Variants in ENOX1 observed in about 807,000 individuals in gnomAD.
The protein encoded by ENOX1 is ecto-NOX disulfide-thiol exchanger 1.
A neutral mutation model predicts 82.5 loss-of-function variants in ENOX1; 42 were observed. That is an observed-to-expected ratio of 0.51 (90% CI 0.40 to 0.66). The LOEUF is 0.66. ENOX1 is among the 30% of genes least tolerant of loss of function. The pLI, the probability that ENOX1 is intolerant of heterozygous loss-of-function variation, is 0.00. For missense variants in ENOX1, 608 were observed against 811.6 expected, an observed-to-expected ratio of 0.75 and a Z score of 3.05; for synonymous variants, 271 against 282.2, an observed-to-expected ratio of 0.96 and a Z score of 0.40.
intron 2 of ENOX1, among the ~76,000 whole-genome samples, chr13:43,522,275 G>T (rs2077803641): frequency 6.6e-6 from 1 of 152,090 alleles, no homozygotes; most frequent in South Asian, 2.1e-4. Flanking sequence ...ATACCACTCT[G>T]GGTAAGCTAG....
At chr13:43,732,047 T>G (rs1303167580) in intron 1 of ENOX1, among the ~76,000 whole-genome samples, 1 of 152,202 alleles carries the variant, frequency 6.6e-6, no homozygotes, top group Non-Finnish European at 1.5e-5. Flanking sequence ...AGAATTTACT[T>G]CAACCTTATA....
Position 43,599,838 on chromosome 13 carries a change from G to A in ENOX1, c.-219+67641C>T, listed in dbSNP as rs73184109. On this transcript the variant is annotated intron_variant, in intron 2 of 16. Coordinates refer to ENST00000690772, the MANE Select transcript of ENOX1 (RefSeq NM_001347969.2). Reference sequence around the variant, plus strand: ...AGTCCAAGTTCAGGACTTGCAACTTGGATACTAGCTCAGCCACAGTAGACA... The same window carrying A: ...AGTCCAAGTTCAGGACTTGCAACTTAGATACTAGCTCAGCCACAGTAGACA... Among the ~76,000 whole-genome samples, 779 of 151,508 alleles carry A rather than the reference G, an allele frequency of 5.1e-3. 6 individuals carry two copies. The highest frequency in any genetic ancestry group is 8.6e-3 in the Non-Finnish European group (584 of 67,912).
chr13:43,781,878 C>T (rs1952290020), intron 1 of ENOX1, among the ~76,000 whole-genome samples: 1 of 152,152 alleles, frequency 6.6e-6, no homozygotes, highest in Non-Finnish European at 1.5e-5. Context: ...TATATGTGTA[C>T]CTAAGAGTGA....
intron 1 of ENOX1, among the ~76,000 whole-genome samples, chr13:43,693,018 C>A (rs1338162806): frequency 6.6e-6 from 1 of 151,962 alleles, no homozygotes; most frequent in Non-Finnish European, 1.5e-5. Context: ...AAAGCTACAC[C>A]TATGTTATAA....
intron 1 of ENOX1, among the ~76,000 whole-genome samples, chr13:43,687,714 TC>T (rs949157102): frequency 6.6e-6 from 1 of 152,094 alleles, no homozygotes; most frequent in African/African-American, 2.4e-5. Context: ...ACTCAGTACA[TC>T]CGTGGCCCTT....
At chr13:43,705,305 ACTCTCTCT>A (rs33978402) in intron 1 of ENOX1, among the ~76,000 whole-genome samples, 4 of 132,650 alleles carry the variant, frequency 3.0e-5, no homozygotes, top group African/African-American at 8.4e-5. Flanking sequence ...ACAAACAACA[ACTCTCTCT>A]CTCTCTCTCT....
chr13:43,374,982 A>C (rs2051516804), intron 5 of ENOX1, among the ~76,000 whole-genome samples: 3 of 152,204 alleles, frequency 2.0e-5, no homozygotes, highest in Admixed American at 2.0e-4. Context: ...CTCAGATGTG[A>C]GGCTGCAACC....
At chr13:43,566,644 A>C (rs2079933057) in intron 2 of ENOX1, among the ~76,000 whole-genome samples, 1 of 152,008 alleles carries the variant, frequency 6.6e-6, no homozygotes. Context: ...TTCTGAAAAA[A>C]ATAGAGCAAA....
chr13:43,282,858 T>A (rs2045472844), intron 12 of ENOX1, among the ~76,000 whole-genome samples: 2 of 151,758 alleles, frequency 1.3e-5, no homozygotes, highest in African/African-American at 4.8e-5. Flanking sequence ...TTTGGGAGGC[T>A]GAGGCGGGTA....
At chr13:43,445,610 T>C (rs2056611924) in intron 3 of ENOX1, among the ~76,000 whole-genome samples, 1 of 152,160 alleles carries the variant, frequency 6.6e-6, no homozygotes, top group South Asian at 2.1e-4. Flanking sequence ...GTGGTTTTTG[T>C]TGGATCTCAA....
chr13:43,577,476 C>A (rs1463879274), intron 2 of ENOX1, among the ~76,000 whole-genome samples: 1 of 152,206 alleles, frequency 6.6e-6, no homozygotes, highest in African/African-American at 2.4e-5. Context: ...CTGGAGAGGG[C>A]TGTCTCCACT....
intron 3 of ENOX1, among the ~76,000 whole-genome samples, chr13:43,424,257 G>T (rs948705632): frequency 2.0e-5 from 3 of 152,236 alleles, no homozygotes; most frequent in South Asian, 2.1e-4. Context: ...TCTATAATTT[G>T]TGCTGTTTTG....
intron 3 of ENOX1, among the ~76,000 whole-genome samples, chr13:43,447,215 C>T (rs559654123): frequency 6.6e-6 from 1 of 152,242 alleles, no homozygotes; most frequent in East Asian, 1.9e-4. Context: ...CTGTCTGATT[C>T]GTGTGTATAT....
intron 3 of ENOX1, among the ~76,000 whole-genome samples, chr13:43,428,273 G>A (rs907014515): frequency 6.6e-6 from 1 of 152,128 alleles, no homozygotes; most frequent in Non-Finnish European, 1.5e-5. Flanking sequence ...GAGAGAGAGA[G>A]AACAAACATA....
At chr13:43,486,027 T>G (rs1323531687) in intron 2 of ENOX1, among the ~76,000 whole-genome samples, 2 of 151,970 alleles carry the variant, frequency 1.3e-5, no homozygotes, top group African/African-American at 4.8e-5. Flanking sequence ...TGGCTAACAC[T>G]GTGAAAGCCC....
chr13:43,419,840 G>A (rs9590760), intron 3 of ENOX1, among the ~76,000 whole-genome samples: 11,564 of 152,072 alleles, frequency 0.076, 896 homozygotes, highest in East Asian at 0.36. Flanking sequence ...GCGTGGTGAC[G>A]TGCACCTGTA....
chr13:43,729,401 A>G (rs557412336), intron 1 of ENOX1, among the ~76,000 whole-genome samples: 3 of 152,292 alleles, frequency 2.0e-5, no homozygotes, highest in South Asian at 2.1e-4. Flanking sequence ...AATATGTCTA[A>G]TATAAACACA....
At position 43,294,359 on chromosome 13, in the gene ENOX1, A is replaced by G. The variant is rs545246537; in HGVS notation, c.1446+3987T>C. ...TTAAGCGGATTATTAAAAAATTATGACATGTTGACCTATCCTCATGAATGA... is the reference window on the plus strand; with the variant it reads ...TTAAGCGGATTATTAAAAAATTATGGCATGTTGACCTATCCTCATGAATGA... On this transcript the variant is annotated intron_variant, in intron 12 of 16. Transcript: ENST00000690772. 4.6e-5 allele frequency among the ~76,000 whole-genome samples: 7 copies of G among 152,372 alleles called. 1 individual carries two copies. In the East Asian group the frequency reaches 1.3e-3, roughly 29 times the overall value.
At chr13:43,237,359 T>C (rs1462397873) in intron 14 of ENOX1, among the ~76,000 whole-genome samples, 1 of 152,230 alleles carries the variant, frequency 6.6e-6, no homozygotes, top group African/African-American at 2.4e-5. Flanking sequence ...TGTAGTCTTT[T>C]ACATTTAAAA....
Sources: gnomAD v4.1 joint callset for allele counts (sites outside exome capture counted in the v4.1 genomes callset) on GRCh38, gnomAD v4.1.1 for gene constraint, MANE v1.5 for transcripts, NCBI Gene and HGNC (gene_info 2026-07-23, HGNC 2026-07-21) for gene names.